The following NCAM2 variants were observed in gnomAD, a reference collection of about 807,000 sequenced individuals.
The protein encoded by NCAM2 is neural cell adhesion molecule 2.
Under a neutral mutation model 98.1 loss-of-function variants are expected in NCAM2, and 30 were observed. The ratio of observed to expected loss-of-function variants is 0.31; its 90% CI spans 0.23 to 0.41. The LOEUF (loss-of-function observed/expected upper bound fraction) is 0.41. Among genes scored for constraint, NCAM2 ranks in the 10% least tolerant of loss-of-function variants. The pLI, the probability that NCAM2 is intolerant of heterozygous loss-of-function variation, is 1.00. For synonymous variants in NCAM2, 368 were observed against 342.4 expected, an observed-to-expected ratio of 1.07 and a Z score of -0.83; for missense variants, 867 against 1,005.8, an observed-to-expected ratio of 0.86 and a Z score of 1.87.
intron 6 of NCAM2, among the ~76,000 whole-genome samples, chr21:21,327,434 T>A (rs1307519854): frequency 6.6e-6 from 1 of 152,136 alleles, no homozygotes; most frequent in Admixed American, 6.6e-5. Context: ...GTTCTGGTTA[T>A]CTTCCTCCTC....
chr21:21,424,587 A>C (rs1369266556), intron 11 of NCAM2, among the ~76,000 whole-genome samples: 1 of 152,198 alleles, frequency 6.6e-6, no homozygotes, highest in Non-Finnish European at 1.5e-5. Context: ...TCAAGGTTAC[A>C]CTTGTACATA....
At chr21:21,491,550 A>G (rs1375200586) in intron 15 of NCAM2, among the ~76,000 whole-genome samples, 2 of 151,782 alleles carry the variant, frequency 1.3e-5, no homozygotes, top group Non-Finnish European at 3.0e-5. Flanking sequence ...AAATTATTTA[A>G]TTAGCTTTTA....
intron 1 of NCAM2, among the ~76,000 whole-genome samples, chr21:21,264,770 C>CTA (rs933965013): frequency 4.9e-4 from 3 of 6,174 alleles, no homozygotes; most frequent in Non-Finnish European, 8.7e-4. Context: ...ATATATTCCA[C>CTA]TATATATATA....
At chr21:21,207,775 C>G (rs1277477146) in intron 1 of NCAM2, among the ~76,000 whole-genome samples, 1 of 152,052 alleles carries the variant, frequency 6.6e-6, no homozygotes, top group Non-Finnish European at 1.5e-5. Context: ...AAGACACTCC[C>G]CTCCCCAAAT....
chr21:21,414,854 A>G (rs2076957898), intron 10 of NCAM2, among the ~76,000 whole-genome samples: 3 of 152,198 alleles, frequency 2.0e-5, no homozygotes. Context: ...TGGGTTAGCC[A>G]GCATGAAAAC....
At chr21:21,074,037 A>G (rs541743237) in intron 1 of NCAM2, among the ~76,000 whole-genome samples, 2 of 152,098 alleles carry the variant, frequency 1.3e-5, no homozygotes, top group Non-Finnish European at 2.9e-5. Flanking sequence ...GTAGTTCCTA[A>G]TATTATATTG....
At chr21:21,479,600 A>AAAAAAAAAAAAAAAAAAAAAAAC (rs1985622735) in intron 15 of NCAM2, among the ~76,000 whole-genome samples, 1 of 132,264 alleles carries the variant, frequency 7.6e-6, no homozygotes, top group Non-Finnish European at 1.7e-5. Flanking sequence ...AAAAAAAAAA[A>AAAAAAAAAAAAAAAAAAAAAAAC]AAAAAAAATT....
rs143444716 is a variant in NCAM2 at position 21,293,509 on chromosome 21, C to T, written c.619+1268C>T. 2.9e-3 allele frequency among the ~76,000 whole-genome samples: 441 copies of T among 151,812 alleles called. 3 individuals carry two copies. Among genetic ancestry groups the T allele is most frequent in the African/African-American group, 0.01 (421 of 41,454 alleles). ...GATGTCAGTCATAGGGAAACTGGGT[C>T]CTTAGAGGAGATCTAGTATTTTTCA... On this transcript the variant is annotated intron_variant, in intron 5 of 17. Coordinates refer to ENST00000400546, the MANE Select transcript of NCAM2 (RefSeq NM_004540.5).
chr21:21,470,269 A>G (rs1246963812), intron 14 of NCAM2, among the ~76,000 whole-genome samples: 1 of 152,104 alleles, frequency 6.6e-6, no homozygotes, highest in East Asian at 1.9e-4. Context: ...GTATACATAT[A>G]CACAGTTTAA....
At chr21:21,220,888 A>G (rs2070119273) in intron 1 of NCAM2, among the ~76,000 whole-genome samples, 1 of 152,214 alleles carries the variant, frequency 6.6e-6, no homozygotes. Flanking sequence ...TTATTACACC[A>G]TGCTAATATT....
chr21:21,329,405 A>T (rs929473718), intron 6 of NCAM2, among the ~76,000 whole-genome samples: 1 of 152,194 alleles, frequency 6.6e-6, no homozygotes, highest in African/African-American at 2.4e-5. Flanking sequence ...CATACCATAT[A>T]GTTTAGGTGT....
intron 1 of NCAM2, among the ~76,000 whole-genome samples, chr21:21,177,402 ATACTAT>A (rs879781205): frequency 6.6e-6 from 1 of 152,106 alleles, no homozygotes; most frequent in Non-Finnish European, 1.5e-5. Flanking sequence ...GTCTAGAAAC[ATACTAT>A]TACATGCTTC....
chr21:21,009,283 TCA>T (rs2146129681), intron 1 of NCAM2, among the ~76,000 whole-genome samples: 1 of 152,272 alleles, frequency 6.6e-6, no homozygotes, highest in African/African-American at 2.4e-5. Flanking sequence ...TGTGTTTATT[TCA>T]CACGTTTTGT....
intron 1 of NCAM2, among the ~76,000 whole-genome samples, chr21:21,017,883 A>G (rs928265086): frequency 5.3e-5 from 8 of 152,168 alleles, no homozygotes; most frequent in Admixed American, 2.6e-4. Context: ...GTGTGTATAT[A>G]CTTATACACA....
chr21:21,290,223 A>G (rs1440394035), intron 4 of NCAM2: 1 of 151,964 alleles, frequency 6.6e-6, no homozygotes, highest in Non-Finnish European at 1.5e-5. Context: ...AAAAATCATT[A>G]TAGGTGAAGG....
At chr21:21,265,167 TATTATA>T (rs1422744953) in intron 1 of NCAM2, among the ~76,000 whole-genome samples, 2 of 122,870 alleles carry the variant, frequency 1.6e-5, no homozygotes, top group African/African-American at 5.9e-5. Context: ...TACTTATATA[TATTATA>T]TATGTATATA....
In NCAM2 at chr21:21,118,498, G is replaced by T. The variant is rs1296578895; in HGVS notation, c.55+119880G>T. Among the ~76,000 whole-genome samples, 6 of 152,096 alleles carry T rather than the reference G, an allele frequency of 3.9e-5. No homozygotes were observed. The South Asian group carries it at 1.0e-3, about 26-fold the overall frequency. On this transcript the variant is annotated intron_variant, in intron 1 of 17. Transcript: ENST00000400546. ...CTAAAAGGAAGGGGTGAGGGACCTTGTAGGTTGAGAGAAAGCAGTAAGGAA... is the reference window on the plus strand; with the variant it reads ...CTAAAAGGAAGGGGTGAGGGACCTTTTAGGTTGAGAGAAAGCAGTAAGGAA...
intron 14 of NCAM2, among the ~76,000 whole-genome samples, chr21:21,473,485 T>A (rs1350682488): frequency 6.6e-6 from 1 of 150,638 alleles, no homozygotes; most frequent in Non-Finnish European, 1.5e-5. Flanking sequence ...TGTGAGGTCA[T>A]GTAAATATGA....
chr21:21,284,147 A>C (rs536210594), intron 2 of NCAM2, 47 bp from the exon 3 acceptor site: 2 of 1,462,016 alleles, frequency 1.4e-6, no homozygotes, highest in African/African-American at 2.8e-5. Context: ...GTTCAAACAA[A>C]TATTTTTAAC....
Sources: gnomAD v4.1 joint callset for allele counts (sites outside exome capture counted in the v4.1 genomes callset) on GRCh38, gnomAD v4.1.1 for gene constraint, MANE v1.5 for transcripts, NCBI Gene and HGNC (gene_info 2026-07-23, HGNC 2026-07-21) for gene names.